Variants in KIF16B observed in about 807,000 individuals in gnomAD.
The protein encoded by KIF16B is kinesin-like protein KIF16B.
A neutral mutation model predicts 156.3 loss-of-function variants in KIF16B; 98 were observed. That is an observed-to-expected ratio of 0.63 (90% CI 0.53 to 0.74). The LOEUF (loss-of-function observed/expected upper bound fraction) is 0.74, where lower values mean the gene tolerates loss of function less well. KIF16B is among the 30% of genes least tolerant of loss of function. The pLI is 0.00. For synonymous variants in KIF16B, 564 were observed against 583.7 expected, an observed-to-expected ratio of 0.97 and a Z score of 0.49; for missense variants, 1,421 against 1,606.5, an observed-to-expected ratio of 0.88 and a Z score of 1.97.
Position 16,320,017 on chromosome 20 carries a change from GA to G in KIF16B, c.3712-7600del, listed in dbSNP as rs1199364138. Among the ~76,000 whole-genome samples the G allele has an allele frequency of 2.0e-5, 3 of 152,102 alleles. No homozygotes were observed. The East Asian group carries it at 5.8e-4, about 29-fold the overall frequency. On this transcript the variant is annotated intron_variant, in intron 24 of 25. Coordinates refer to ENST00000354981, the MANE Select transcript of KIF16B (RefSeq NM_024704.5). ...GACTGCAAACTACCCTAGGACTATAGAAGGCTTCCTCTCACCATACCTTACC... is the reference window on the plus strand; with the variant it reads ...GACTGCAAACTACCCTAGGACTATAGAGGCTTCCTCTCACCATACCTTACC...
chr20:16,330,395 A>G (rs977223368), intron 24 of KIF16B, among the ~76,000 whole-genome samples: 1 of 152,214 alleles, frequency 6.6e-6, no homozygotes, highest in Non-Finnish European at 1.5e-5. Context: ...CTTTCTCACT[A>G]GGGTGATGGC....
chr20:16,530,829 G>A (rs1030245778), intron 1 of KIF16B, among the ~76,000 whole-genome samples: 21 of 152,026 alleles, frequency 1.4e-4, no homozygotes, highest in Admixed American at 4.6e-4. Context: ...AGCCTCCCAA[G>A]TAGCTTTGAC....
intron 23 of KIF16B, among the ~76,000 whole-genome samples, chr20:16,355,299 T>C (rs2064417501): frequency 6.6e-6 from 1 of 152,172 alleles, no homozygotes; most frequent in African/African-American, 2.4e-5. Context: ...TACGGTGTCC[T>C]TCCACATAAG....
chr20:16,325,879 C>T (rs1171727906), intron 24 of KIF16B, among the ~76,000 whole-genome samples: 1 of 152,060 alleles, frequency 6.6e-6, no homozygotes, highest in African/African-American at 2.4e-5. Context: ...AGAGGTGTCA[C>T]TTTACCCAAC....
chr20:16,280,867 T>TGTGTGTGTGTGTGTGTGCGCGC (rs758721339), intron 25 of KIF16B, among the ~76,000 whole-genome samples: 2 of 150,788 alleles, frequency 1.3e-5, no homozygotes, highest in African/African-American at 4.9e-5. Context: ...TGTGTGTGTG[T>TGTGTGTGTGTGTGTGTGCGCGC]GCGCAGAAAA....
intron 1 of KIF16B, among the ~76,000 whole-genome samples, chr20:16,568,768 C>T (rs1273555718): frequency 7.3e-6 from 1 of 137,386 alleles, no homozygotes; most frequent in Non-Finnish European, 1.5e-5. Context: ...CAGTGAGCCA[C>T]GACTCTGCGC....
intron 24 of KIF16B, among the ~76,000 whole-genome samples, chr20:16,329,230 TC>T: frequency 6.6e-6 from 1 of 152,284 alleles, no homozygotes; most frequent in South Asian, 2.1e-4. Context: ...AAAGTTTTTT[TC>T]TCTTCAGCTT....
chr20:16,505,798 C>T lies in KIF16B; in HGVS notation c.924G>A (p.Val308=). 6.2e-7 allele frequency: 1 copy of T among 1,613,836 alleles called. No homozygotes were observed. The highest frequency in any genetic ancestry group is 8.5e-7 in the Non-Finnish European group (1 of 1,179,786). ...NTLAKKKQVF[V]PYRDSVLTWL... is the part of the protein sequence containing the mutation. ...AAGTCAACACAGAATCCCTGTAAGGCACGAAAACTTGCTTCTTCTTTGCAA... is the reference window on the plus strand; with the variant it reads ...AAGTCAACACAGAATCCCTGTAAGGTACGAAAACTTGCTTCTTCTTTGCAA... Residue 308 remains valine (V), a synonymous_variant, in exon 9 of 26, where the codon GTG becomes GTA. Coordinates refer to ENST00000354981, the MANE Select transcript of KIF16B (RefSeq NM_024704.5).
intron 22 of KIF16B, chr20:16,366,863 T>A: frequency 8.8e-7 from 1 of 1,135,014 alleles, no homozygotes; most frequent in Non-Finnish European, 1.1e-6. Context: ...AATGCTTTAA[T>A]CACCTCACAA....
chr20:16,495,878 A>G (rs2068437828), intron 11 of KIF16B, among the ~76,000 whole-genome samples: 1 of 152,106 alleles, frequency 6.6e-6, no homozygotes, highest in Non-Finnish European at 1.5e-5. Context: ...TTTTGTAAAG[A>G]GGAGGTCTCA....
At position 16,406,519 on chromosome 20, in the gene KIF16B, T is replaced by C. The variant is rs191365073; in HGVS notation, c.1613-63A>G. The C allele has an allele frequency of 3.0e-5, 39 of 1,282,666 alleles. No individual in the cohort carries two copies. In the African/African-American group the frequency reaches 3.1e-4, roughly 10 times the overall value. The allele number at this position is 1,282,666 out of a possible 1,614,324, so 79.5% of individuals were successfully genotyped here. Reference sequence around the variant, plus strand: ...GCAGTCTGGTCAGTTGCCAATACCATAACATGGAATTCTACTGTTGAAATG... The same window carrying C: ...GCAGTCTGGTCAGTTGCCAATACCACAACATGGAATTCTACTGTTGAAATG... On this transcript the variant is annotated intron_variant, in intron 15 of 25. Coordinates refer to ENST00000354981, the MANE Select transcript of KIF16B (RefSeq NM_024704.5).
chr20:16,504,386 C>A lies in KIF16B; in HGVS notation c.1162G>T (p.Ala388Ser). Residue 388 changes from alanine (A) to serine (S), a missense_variant, in exon 10 of 26, where the codon GCT becomes TCT. Coordinates refer to ENST00000354981, the MANE Select transcript of KIF16B (RefSeq NM_024704.5). ...AAAAACCCAACCTGATTCCCTTGAG[C>A]AAGCAGCGTTTTCAGTCTGGCTATT... ...AEIARLKTLL[A>S]QGNQIALLDS... is the part of the protein sequence containing the mutation. 1 of 1,613,998 alleles carries A rather than the reference C, an allele frequency of 6.2e-7. No individual in the cohort carries two copies. Among genetic ancestry groups the A allele is most frequent in the South Asian group, 1.1e-5 (1 of 91,056 alleles).
rs79274250 is a variant in KIF16B at position 16,411,018 on chromosome 20, G to A, written c.1613-4562C>T. ...GTTCTGGTGTCAGATTTTCATCACC[G>A]ATGACCTTGACATACTCGTCAATAA... On this transcript the variant is annotated intron_variant, in intron 15 of 25. Transcript: ENST00000354981. 3.4e-3 allele frequency among the ~76,000 whole-genome samples: 517 copies of A among 152,174 alleles called. 8 individuals carry two copies. The highest frequency in any genetic ancestry group is 0.011 in the African/African-American group (437 of 41,542).
chr20:16,426,949 A>C (rs916145706), intron 15 of KIF16B, among the ~76,000 whole-genome samples, 155 bp downstream of exon 15: 1 of 152,178 alleles, frequency 6.6e-6, no homozygotes, highest in Admixed American at 6.5e-5. Context: ...CCCTCCAGCC[A>C]AACAGAAGAG....
chr20:16,488,641 G>A (rs947099482), intron 12 of KIF16B, among the ~76,000 whole-genome samples: 2 of 152,210 alleles, frequency 1.3e-5, no homozygotes, highest in African/African-American at 2.4e-5. Flanking sequence ...TAGTCACTTT[G>A]TAAACCACTT....
chr20:16,361,008 C>T (rs979646490), intron 22 of KIF16B, among the ~76,000 whole-genome samples: 2 of 152,194 alleles, frequency 1.3e-5, no homozygotes, highest in South Asian at 2.1e-4. Context: ...ATTCAGTATA[C>T]ACATCATGAC....
chr20:16,300,639 G>T (rs1241556893), intron 25 of KIF16B, among the ~76,000 whole-genome samples: 1 of 152,118 alleles, frequency 6.6e-6, no homozygotes. Context: ...ACTACCACAT[G>T]ATGATTTATT....
intron 15 of KIF16B, among the ~76,000 whole-genome samples, chr20:16,426,304 C>G (rs2066350558): frequency 6.6e-6 from 1 of 152,004 alleles, no homozygotes; most frequent in Admixed American, 6.6e-5. Flanking sequence ...ACAGGTGAAT[C>G]CTACACTTAT....
At chr20:16,342,204 T>C (rs117287156) in intron 23 of KIF16B, among the ~76,000 whole-genome samples, 31 of 152,282 alleles carry the variant, frequency 2.0e-4, no homozygotes, top group African/African-American at 3.6e-4. Flanking sequence ...ACATAATTAA[T>C]GTTGCACTAA....
Sources: allele counts gnomAD v4.1 joint callset (sites outside exome capture counted in the v4.1 genomes callset), GRCh38; gene constraint gnomAD v4.1.1; transcripts MANE v1.5; gene names NCBI Gene and HGNC (gene_info 2026-07-23, HGNC 2026-07-21).